Variants in USE1 observed in about 807,000 individuals in gnomAD.
The protein encoded by USE1 is vesicle transport protein USE1.
A neutral mutation model predicts 37.6 loss-of-function variants in USE1; 32 were observed. The ratio of observed to expected loss-of-function variants is 0.85; its 90% confidence interval spans 0.64 to 1.14. The LOEUF is 1.14. Among genes scored for constraint, USE1 ranks in the 50% most tolerant of loss-of-function variants. The probability of loss-of-function intolerance (pLI) is 0.00; values close to 1 mark genes in which losing one functional copy is unlikely to be tolerated. For synonymous variants in USE1, 149 were observed against 137.6 expected, an observed-to-expected ratio of 1.08 and a Z score of -0.58; for missense variants, 310 against 332.2, an observed-to-expected ratio of 0.93 and a Z score of 0.52.
Position 17,215,706 on chromosome 19 carries a change from C to G in USE1, c.103-96C>G, listed in dbSNP as rs1260846120. 5 of 834,396 alleles carry G rather than the reference C, an allele frequency of 6.0e-6. No individual in the cohort carries two copies. The African/African-American group carries it at 9.0e-5, about 15-fold the overall frequency. The allele number at this position is 834,396 out of a possible 1,614,324, so 51.7% of individuals were successfully genotyped here. ...TCCCCCACTGGCCCCGCCTCCTTTA[C>G]GCTTGACCCCTCCCATTTGTCGGCC... On this transcript the variant is annotated intron_variant, in intron 1 of 7. Transcript: ENST00000263897.
Position 17,216,175 on chromosome 19 carries a change from T to C in USE1, c.238T>C (p.Ser80Pro). Residue 80 changes from serine to proline, a missense_variant, in exon 4 of 8, where the codon TCC becomes CCC. Physicochemically the swap from Ser to Pro is moderately conservative, Grantham distance 74 (BLOSUM62 -1). Coordinates refer to ENST00000263897, the MANE Select transcript of USE1 (RefSeq NM_018467.4). ...TCTTCCCACATTTCTGCAGACCTCC[T>C]CCTCAGAGAAAGCACTGGCCAACCA... is the stretch of plus-strand genomic sequence containing the variant. The part of the protein sequence containing the change: ...GMLQAEKLTS[S>P]SEKALANQFL... 5 of 1,612,626 alleles carry C rather than the reference T, an allele frequency of 3.1e-6. No homozygotes were observed. Among genetic ancestry groups the C allele is most frequent in the Non-Finnish European group, 4.2e-6 (5 of 1,179,412 alleles).
At position 17,218,392 on chromosome 19, in the gene USE1, G is replaced by A. The variant is rs760139098; in HGVS notation, c.422+1G>A. The A allele has an allele frequency of 2.5e-6, 4 of 1,613,564 alleles. No individual in the cohort carries two copies. Among genetic ancestry groups the A allele is most frequent in the Admixed American group, 1.7e-5 (1 of 59,958 alleles). On this transcript the variant is annotated splice_donor_variant, in intron 6 of 7. Transcript: ENST00000263897. LOFTEE classifies it high-confidence loss of function. ...CTGAGATGGACGTAAGGAAGAGAAC[G>A]TGAGTGTCTGCGGCCCTGGGGCAGT...
In USE1 at chr19:17,215,808, G is replaced by A. The variant is rs1482174917; in HGVS notation, c.109G>A (p.Gly37Arg). ...ATCCACTTTTCCTCCCCAGTACGTG[G>A]GAGCCCTAGAGGACATGTTGCAGGC... Reference protein sequence around the residue: ...PDEWRLEKYVGALEDMLQALK... With the variant: ...PDEWRLEKYVRALEDMLQALK... Residue 37 changes from glycine to arginine, a missense_variant, in exon 2 of 8, where the codon GGA becomes AGA. Coordinates refer to ENST00000263897, the MANE Select transcript of USE1 (RefSeq NM_018467.4). 6.2e-7 allele frequency: 1 copy of A among 1,610,470 alleles called. No homozygotes were observed. The highest frequency in any genetic ancestry group is 8.5e-7 in the Non-Finnish European group (1 of 1,178,832).
chr19:17,219,698 T>C lies in USE1; in HGVS notation c.665T>C (p.Leu222Pro). The C allele has an allele frequency of 6.2e-7, 1 of 1,613,364 alleles. No individual in the cohort carries two copies. Among genetic ancestry groups the C allele is most frequent in the Non-Finnish European group, 8.5e-7 (1 of 1,179,390 alleles). ...AAACTGAAGACGGAGTCAGAGCGTCTGGAGCAGCACACGCAGAAGTCAGTC... is the reference window on the plus strand; with the variant it reads ...AAACTGAAGACGGAGTCAGAGCGTCCGGAGCAGCACACGCAGAAGTCAGTC... ...LEKLKTESER[L>P]EQHTQKSVNW... Residue 222 changes from leucine to proline, a missense_variant, in exon 8 of 8, where the codon CTG becomes CCG. Physicochemically the swap from Leu to Pro is moderately conservative, Grantham distance 98. Transcript: ENST00000263897.
Position 17,215,900 on chromosome 19 carries a change from A to C in USE1, c.152+49A>C, listed in dbSNP as rs759795127. 8 of 1,591,486 alleles carry C rather than the reference A, an allele frequency of 5.0e-6. No individual in the cohort carries two copies. In the East Asian group the frequency reaches 1.6e-4, roughly 32 times the overall value. On this transcript the variant is annotated intron_variant, in intron 2 of 7. Transcript: ENST00000263897. ...TTTCACATCAGCACGTGGCTGTGCT[A>C]CTGGACATCCCAGTACCGCTATCCC...
rs2073291207 is a variant in USE1, at chr19:17,216,400, A to G, written c.384+79A>G. The G allele has an allele frequency of 3.2e-6, 5 of 1,551,088 alleles. No homozygotes were observed. In the South Asian group the frequency reaches 3.5e-5, roughly 11 times the overall value. ...ATGCTTGTAGGCAGCCAGAACCACA[A>G]TACTGTCAGATACAGGAACCCTAAG... On this transcript the variant is annotated intron_variant, in intron 4 of 7. Transcript: ENST00000263897.
chr19:17,215,736 C>T, intron 1 of USE1, 66 bp from the exon 2 acceptor site: 2 of 1,197,738 alleles, frequency 1.7e-6, no homozygotes, highest in East Asian at 2.5e-5. Flanking sequence ...TCGGCCCCGC[C>T]CCCCCGACTC....
rs907341352 is a variant in USE1 at position 17,219,323 on chromosome 19, G to A, written c.533G>A (p.Gly178Glu). Residue 178 changes from glycine to glutamate, a missense_variant, in exon 7 of 8, where the codon GGA (glycine) becomes GAA (glutamate). By Grantham distance (98) the Gly-to-Glu change is moderately conservative. Transcript: ENST00000263897. ...LQEKLAEEML[G>E]LARSLKTNTL... Reference sequence around the variant, plus strand: ...GAAAAGCTGGCGGAAGAGATGCTAGGACTGGCCCGGAGCCTCAAGACCAAT... The same window carrying A: ...GAAAAGCTGGCGGAAGAGATGCTAGAACTGGCCCGGAGCCTCAAGACCAAT... The A allele has an allele frequency of 6.2e-7, 1 of 1,603,634 alleles. No individual in the cohort carries two copies. Among genetic ancestry groups the A allele is most frequent in the Non-Finnish European group, 8.5e-7 (1 of 1,175,310 alleles).
intron 6 of USE1, 71 bp from the exon 7 acceptor site, chr19:17,219,139 AAAG>A: frequency 1.3e-6 from 2 of 1,513,566 alleles, no homozygotes; most frequent in South Asian, 1.3e-5. Flanking sequence ...AAAAAAAAAA[AAAG>A]AAAATGTGTT....
chr19:17,215,432 C>G lies in USE1; in HGVS notation c.27C>G (p.Asn9Lys), dbSNP rs1473854569. 4.5e-6 allele frequency: 7 copies of G among 1,561,980 alleles called. No homozygotes were observed. The highest frequency in any genetic ancestry group is 5.2e-6 in the Non-Finnish European group (6 of 1,154,624). ...TGGCGGCGTCGAGGCTGGAGCTAAA[C>G]CTGGTGCGGCTGCTATCCCGCTGCG... MAASRLEL[N>K]LVRLLSRCEA... The change falls in exon 1 of 8, where the codon AAC (asparagine) becomes AAG (lysine). Residue 9 changes from asparagine to lysine, a missense_variant. Coordinates refer to ENST00000263897, the MANE Select transcript of USE1 (RefSeq NM_018467.4).
chr19:17,217,960 G>A (rs1424355127), intron 5 of USE1: 19 of 354,426 alleles, frequency 5.4e-5, no homozygotes, highest in South Asian at 4.2e-4. Flanking sequence ...ACGCACACCT[G>A]TAGTCCCAGC....
chr19:17,215,385 G>A lies in USE1; in HGVS notation c.-21G>A, dbSNP rs1248945630. 3.2e-6 allele frequency: 5 copies of A among 1,550,650 alleles called. No individual in the cohort carries two copies. The highest frequency in any genetic ancestry group is 4.4e-6 in the Non-Finnish European group (5 of 1,148,316). On this transcript the variant is annotated 5_prime_UTR_variant, in exon 1 of 8. The change creates a new upstream start codon in the 5' untranslated region. Transcript: ENST00000263897. ...TCTTAACATGGAGCCGGCGGAAGGG[G>A]TGGTGTAGGGCCGGGCGATAATGGC... is the stretch of plus-strand genomic sequence containing the variant.
In USE1 at chr19:17,215,384, G is replaced by A. The variant is rs1210650987; in HGVS notation, c.-22G>A. On this transcript the variant is annotated 5_prime_UTR_variant, in exon 1 of 8. Transcript: ENST00000263897. Reference sequence around the variant, plus strand: ...CTCTTAACATGGAGCCGGCGGAAGGGGTGGTGTAGGGCCGGGCGATAATGG... The same window carrying A: ...CTCTTAACATGGAGCCGGCGGAAGGAGTGGTGTAGGGCCGGGCGATAATGG... The A allele has an allele frequency of 4.5e-6, 7 of 1,550,122 alleles. No individual in the cohort carries two copies. The East Asian group carries it at 9.8e-5, about 22-fold the overall frequency.
intron 4 of USE1, 46 bp downstream of exon 4, chr19:17,216,367 G>A: frequency 6.3e-7 from 1 of 1,593,046 alleles, no homozygotes; most frequent in Non-Finnish European, 8.6e-7. Flanking sequence ...GACAGGAATA[G>A]GGGTTCTATG....
chr19:17,216,602 G>C (rs1474103046), intron 4 of USE1, among the ~76,000 whole-genome samples: 1 of 152,210 alleles, frequency 6.6e-6, no homozygotes, highest in Non-Finnish European at 1.5e-5. Flanking sequence ...CAACTTACAA[G>C]ACACATAAGT....
Position 17,217,434 on chromosome 19 carries a change from C to T in USE1, c.385-19C>T. On this transcript the variant is annotated intron_variant, in intron 4 of 7. Coordinates refer to ENST00000263897, the MANE Select transcript of USE1 (RefSeq NM_018467.4). ...TGAGCCACTGCACCCAGCCTCATGCCACTTACTTCTTTCCACAGGACTCTG... is the reference window on the plus strand; with the variant it reads ...TGAGCCACTGCACCCAGCCTCATGCTACTTACTTCTTTCCACAGGACTCTG... 1.2e-6 allele frequency: 2 copies of T among 1,610,414 alleles called. No homozygotes were observed. Among genetic ancestry groups the T allele is most frequent in the Non-Finnish European group, 1.7e-6 (2 of 1,178,152 alleles).
rs992115668 is a variant in USE1 at position 17,215,392 on chromosome 19, A to AG, written c.-11dup. The AG allele has an allele frequency of 6.4e-7, 1 of 1,553,054 alleles. No homozygotes were observed. The highest frequency in any genetic ancestry group is 1.4e-5 in the African/African-American group (1 of 73,128). ...ATGGAGCCGGCGGAAGGGGTGGTGTAGGGCCGGGCGATAATGGCGGCGTCG... is the reference window on the plus strand; with the variant it reads ...ATGGAGCCGGCGGAAGGGGTGGTGTAGGGGCCGGGCGATAATGGCGGCGTCG... On this transcript the variant is annotated 5_prime_UTR_variant, in exon 1 of 8. Transcript: ENST00000263897.
chr19:17,215,876 T>C, intron 2 of USE1, 25 bp downstream of exon 2: 1 of 1,601,620 alleles, frequency 6.2e-7, no homozygotes, highest in Non-Finnish European at 8.5e-7. Context: ...CCTCAGGGCT[T>C]TCACATCAGC....
intron 1 of USE1, 134 bp from the exon 2 acceptor site, chr19:17,215,668 G>C: frequency 8.9e-7 from 1 of 1,123,746 alleles, no homozygotes; most frequent in South Asian, 1.5e-5. Flanking sequence ...CCCCGTCCCT[G>C]GGACTCCGCC....
Sources: gnomAD v4.1 joint callset for allele counts (sites outside exome capture counted in the v4.1 genomes callset) on GRCh38, gnomAD v4.1.1 for gene constraint, MANE v1.5 for transcripts, NCBI Gene and HGNC (gene_info 2026-07-23, HGNC 2026-07-21) for gene names.